The following TNS3 variants were observed in gnomAD, a reference collection of about 807,000 sequenced individuals.
The protein encoded by TNS3 is tensin 3.
TNS3 carries 45 observed loss-of-function variants against 140.9 expected under a neutral mutation model. The observed-to-expected ratio is 0.32, with a 90% CI of 0.25 to 0.41. The LOEUF is 0.41. Ranked by LOEUF, TNS3 falls within the 10% of genes least tolerant of loss-of-function variation. The probability of loss-of-function intolerance (pLI) is 1.00; values close to 1 mark genes in which losing one functional copy is unlikely to be tolerated. For synonymous variants in TNS3, 815 were observed against 788.4 expected, an observed-to-expected ratio of 1.03 and a Z score of -0.56; for missense variants, 1,716 against 1,906.7, an observed-to-expected ratio of 0.90 and a Z score of 1.86.
At chr7:47,413,308 G>C (rs1311537312) in intron 12 of TNS3, among the ~76,000 whole-genome samples, 2 of 134,968 alleles carry the variant, frequency 1.5e-5, no homozygotes, top group Non-Finnish European at 3.1e-5. Context: ...CTGGAGTGCA[G>C]TGGTGTGATC....
intron 20 of TNS3, among the ~76,000 whole-genome samples, chr7:47,316,536 TTTTG>T (rs1243901060): frequency 6.6e-6 from 1 of 151,792 alleles, no homozygotes; most frequent in African/African-American, 2.4e-5. Flanking sequence ...AGTTTTATTT[TTTTG>T]TTTGTTTGTT....
At chr7:47,442,907 G>A (rs1795539103) in intron 4 of TNS3, among the ~76,000 whole-genome samples, 1 of 152,186 alleles carries the variant, frequency 6.6e-6, no homozygotes, top group African/African-American at 2.4e-5. Context: ...ATCCCACTCA[G>A]GCAGGTGCAG....
chr7:47,526,746 A>G (rs1332064595), intron 2 of TNS3, among the ~76,000 whole-genome samples: 1 of 152,230 alleles, frequency 6.6e-6, no homozygotes, highest in African/African-American at 2.4e-5. Context: ...CATGCTGCTC[A>G]TGACAGCTCT....
intron 3 of TNS3, among the ~76,000 whole-genome samples, chr7:47,488,862 G>A (rs1797707375): frequency 6.6e-6 from 1 of 152,122 alleles, no homozygotes; most frequent in Non-Finnish European, 1.5e-5. Context: ...CTTTTCCAAT[G>A]GTGCCTGGGG....
chr7:47,333,209 G>A (rs1009698306), intron 20 of TNS3, among the ~76,000 whole-genome samples: 1 of 151,972 alleles, frequency 6.6e-6, no homozygotes, highest in African/African-American at 2.4e-5. Context: ...TGACCTCCAC[G>A]AACCCAGCAC....
At chr7:47,542,073 T>C (rs746376465) in intron 1 of TNS3, among the ~76,000 whole-genome samples, 13 of 151,812 alleles carry the variant, frequency 8.6e-5, no homozygotes, top group Non-Finnish European at 1.8e-4. Context: ...ACTCGGGAGT[T>C]ATGTGCAGTG....
In TNS3 at chr7:47,421,766, T is replaced by G. The variant is rs112318375; in HGVS notation, c.473+2335A>C. Among the ~76,000 whole-genome samples, 190 of 152,282 alleles carry G rather than the reference T, an allele frequency of 1.2e-3. 1 individual carries two copies. The highest frequency in any genetic ancestry group is 4.3e-3 in the African/African-American group (177 of 41,564). On this transcript the variant is annotated intron_variant, in intron 10 of 30. Coordinates refer to ENST00000311160, the MANE Select transcript of TNS3 (RefSeq NM_022748.12). The stretch of plus-strand genomic sequence containing the variant: ...AACAGAAAACTTACATGGGCACATG[T>G]GAGTTTTACGGGTCAGCTCCATGGG...
At chr7:47,428,869 C>T (rs1432521476) in intron 8 of TNS3, among the ~76,000 whole-genome samples, 1 of 152,214 alleles carries the variant, frequency 6.6e-6, no homozygotes, top group East Asian at 1.9e-4. Flanking sequence ...GCAGCCCACC[C>T]TCATTACACA....
intron 4 of TNS3, among the ~76,000 whole-genome samples, chr7:47,474,147 A>AC (rs1584736085): frequency 1.1e-5 from 1 of 87,792 alleles, no homozygotes; most frequent in Non-Finnish European, 2.4e-5. Flanking sequence ...CACACACACA[A>AC]CACACATAAA....
At chr7:47,379,954 A>C (rs1377233101) in intron 16 of TNS3, among the ~76,000 whole-genome samples, 1 of 152,218 alleles carries the variant, frequency 6.6e-6, no homozygotes, top group Non-Finnish European at 1.5e-5. Context: ...AAAATTAACA[A>C]AAGCAAGAAC....
At chr7:47,486,599 CAGTA>C (rs1797624277) in intron 3 of TNS3, among the ~76,000 whole-genome samples, 1 of 152,182 alleles carries the variant, frequency 6.6e-6, no homozygotes, top group South Asian at 2.1e-4. Flanking sequence ...AGATCTTCCT[CAGTA>C]AGGAGTGAGA....
At chr7:47,557,487 G>A (rs192426345) in intron 1 of TNS3, among the ~76,000 whole-genome samples, 1 of 152,298 alleles carries the variant, frequency 6.6e-6, no homozygotes, top group East Asian at 1.9e-4. Flanking sequence ...AAATGGTCCT[G>A]TCCATTTCTG....
Position 47,303,438 on chromosome 7 carries a change from G to T in TNS3, c.2969C>A (p.Pro990Gln), listed in dbSNP as rs368607512. Residue 990 changes from proline to glutamine, a missense_variant, in exon 22 of 31, where the codon CCG becomes CAG. Physicochemically the swap from Pro to Gln is moderately conservative, Grantham distance 76. Transcript: ENST00000311160. Reference protein sequence around the residue: ...KDSPVLSCFPPSELQAPFHSH... With the variant: ...KDSPVLSCFPQSELQAPFHSH... ...GTGGAAAGGAGCCTGGAGCTCTGACGGCGGGAAGCAGGACAGCACTGGGGA... is the reference window on the plus strand; with the variant it reads ...GTGGAAAGGAGCCTGGAGCTCTGACTGCGGGAAGCAGGACAGCACTGGGGA... The T allele has an allele frequency of 9.3e-6, 15 of 1,613,200 alleles. No homozygotes were observed. In the African/African-American group the frequency reaches 1.6e-4, roughly 17 times the overall value.
chr7:47,551,114 A>C lies in TNS3; in HGVS notation c.-264-21967T>G, dbSNP rs146857232. 2.0e-4 allele frequency among the ~76,000 whole-genome samples: 30 copies of C among 152,252 alleles called. No homozygotes were observed. In the East Asian group the frequency reaches 5.8e-3, roughly 29 times the overall value. On this transcript the variant is annotated intron_variant, in intron 1 of 30. Transcript: ENST00000311160. Reference sequence around the variant, plus strand: ...GAAGCGCCAGGAAGATCTTCCTAAAACACCCGGTTCCTTCAGGAAGCATCT... The same window carrying C: ...GAAGCGCCAGGAAGATCTTCCTAAACCACCCGGTTCCTTCAGGAAGCATCT...
intron 8 of TNS3, among the ~76,000 whole-genome samples, chr7:47,433,871 G>C (rs1019909833): frequency 7.9e-6 from 1 of 127,210 alleles, no homozygotes; most frequent in Non-Finnish European, 1.6e-5. Context: ...TTATTTAAAA[G>C]TCCGTCTGTC....
At chr7:47,294,872 AC>A (rs1785916927) in intron 24 of TNS3, among the ~76,000 whole-genome samples, 1 of 152,204 alleles carries the variant, frequency 6.6e-6, no homozygotes, top group South Asian at 2.1e-4. Flanking sequence ...TGAAGGGGAC[AC>A]CAAGCGTGGG....
intron 20 of TNS3, among the ~76,000 whole-genome samples, chr7:47,309,546 C>T (rs574579696): frequency 6.6e-6 from 1 of 152,322 alleles, no homozygotes; most frequent in African/African-American, 2.4e-5. Flanking sequence ...AGGATTAATA[C>T]TGCTACCCAC....
chr7:47,477,507 C>G (rs1415889756), intron 4 of TNS3, among the ~76,000 whole-genome samples: 1 of 152,150 alleles, frequency 6.6e-6, no homozygotes, highest in Admixed American at 6.5e-5. Flanking sequence ...AGAGCAGAAG[C>G]CCCTTAGTGT....
At chr7:47,496,917 C>G (rs1165601960) in intron 3 of TNS3, among the ~76,000 whole-genome samples, 1 of 152,162 alleles carries the variant, frequency 6.6e-6, no homozygotes, top group Non-Finnish European at 1.5e-5. Flanking sequence ...GAAAGAAGGG[C>G]AGCCAGTCAG....
Sources: gnomAD v4.1 joint callset for allele counts (sites outside exome capture counted in the v4.1 genomes callset) on GRCh38, gnomAD v4.1.1 for gene constraint, MANE v1.5 for transcripts, NCBI Gene and HGNC (gene_info 2026-07-23, HGNC 2026-07-21) for gene names.